Variants in OR2T2 observed in about 807,000 individuals in gnomAD.
OR2T2 encodes olfactory receptor 2T2.
For missense variants in OR2T2, 138 were observed against 409.1 expected, an observed-to-expected ratio of 0.34 and a Z score of 5.72; for synonymous variants, 50 against 162.7, an observed-to-expected ratio of 0.31 and a Z score of 5.27.
chr1:248,449,276 TTC>T (rs1260499161), intron 2 of OR2T2: 2 of 152,296 alleles, frequency 1.3e-5, no homozygotes, highest in African/African-American at 4.8e-5. Flanking sequence ...TGGCAGATAC[TTC>T]TCATAGCTCT....
intron 2 of OR2T2, among the ~76,000 whole-genome samples, chr1:248,450,347 C>CTTTTTTTTT (rs201321023): frequency 7.2e-6 from 1 of 139,122 alleles, no homozygotes; most frequent in African/African-American, 3.1e-5. Flanking sequence ...CAAGGAACCT[C>CTTTTTTTTT]TTTTTTTTTT....
At chr1:248,446,412 C>A (rs1159514943) in intron 1 of OR2T2, among the ~76,000 whole-genome samples, 177 bp from the exon 2 acceptor site, 4 of 144,698 alleles carry the variant, frequency 2.8e-5, no homozygotes, top group African/African-American at 1.1e-4. Context: ...CTGCCCCTTG[C>A]TTCAGCTCAC....
intron 2 of OR2T2, among the ~76,000 whole-genome samples, chr1:248,449,798 TAA>T (rs1326465417): frequency 4.0e-5 from 4 of 99,508 alleles, no homozygotes; most frequent in African/African-American, 1.6e-4. Context: ...ATCACGCAAA[TAA>T]AAGCTTTTTC....
intron 1 of OR2T2, among the ~76,000 whole-genome samples, chr1:248,446,244 T>TA (rs1662645575): frequency 6.9e-6 from 1 of 144,582 alleles, no homozygotes; most frequent in Non-Finnish European, 1.5e-5. Context: ...TCTTTTTTTT[T>TA]AATAAAACTA....
Position 248,446,363 on chromosome 1 carries a change from G to A in OR2T2, c.-245-226G>A, listed in dbSNP as rs764503561. 1.4e-5 allele frequency among the ~76,000 whole-genome samples: 2 copies of A among 145,066 alleles called. 1 individual carries two copies. The highest frequency in any genetic ancestry group is 3.0e-5 in the Non-Finnish European group (2 of 67,412). ...CATGTTGGAAGCTCAGGCTGTAGGG[G>A]TATAATAATGAGTGCATTGTGTTTA... is the stretch of plus-strand genomic sequence containing the variant. On this transcript the variant is annotated intron_variant, in intron 1 of 2. Transcript: ENST00000642130.
At chr1:248,447,391 TTC>T (rs1662689580) in intron 2 of OR2T2, among the ~76,000 whole-genome samples, 1 of 143,950 alleles carries the variant, frequency 6.9e-6, no homozygotes, top group African/African-American at 2.7e-5. Flanking sequence ...GCATGTAACT[TTC>T]TGACTGAAAC....
At chr1:248,446,061 ATT>A in intron 1 of OR2T2, among the ~76,000 whole-genome samples, 1 of 145,504 alleles carries the variant, frequency 6.9e-6, no homozygotes, top group South Asian at 2.1e-4. Context: ...CCCTCTGAAT[ATT>A]TTGTTAAAAT....
chr1:248,447,878 C>T (rs1246004994), intron 2 of OR2T2, among the ~76,000 whole-genome samples: 4 of 146,724 alleles, frequency 2.7e-5, no homozygotes, highest in Admixed American at 6.8e-5. Flanking sequence ...ACCTGCAATC[C>T]GCCAGGTTGC....
intron 2 of OR2T2, among the ~76,000 whole-genome samples, chr1:248,447,967 A>C (rs1662706212): frequency 2.0e-5 from 3 of 152,280 alleles, no homozygotes; most frequent in Admixed American, 2.0e-4. Context: ...TGTGGTGGAA[A>C]TATCATCCCT....
At chr1:248,445,828 CAT>C (rs1179437854) in intron 1 of OR2T2, among the ~76,000 whole-genome samples, 159 bp downstream of exon 1, 5 of 151,398 alleles carry the variant, frequency 3.3e-5, no homozygotes, top group African/African-American at 7.4e-5. Flanking sequence ...GCATAAATAA[CAT>C]ATATTCACTA....
chr1:248,450,969 ATTTT>A (rs1223433642), intron 2 of OR2T2, among the ~76,000 whole-genome samples: 2 of 79,482 alleles, frequency 2.5e-5, no homozygotes, highest in Admixed American at 1.5e-4. Flanking sequence ...ATGCTCATGT[ATTTT>A]TTTCTCCTCA....
rs779957320 is a variant in OR2T2, at chr1:248,453,609, A to C, written c.812A>C (p.Lys271Thr). 12 of 1,574,936 alleles carry C rather than the reference A, an allele frequency of 7.6e-6. No homozygotes were observed. In the African/African-American group the frequency reaches 1.4e-4, roughly 19 times the overall value. ...CCCCACTCCTACCACACTCCAGAGAAAGATAAAGTGGTGTCTGCCTTCTAC... is the reference window on the plus strand; with the variant it reads ...CCCCACTCCTACCACACTCCAGAGACAGATAAAGTGGTGTCTGCCTTCTAC... Residue 271 changes from lysine to threonine, a missense_variant, in exon 3 of 3, where the codon AAA becomes ACA. Transcript: ENST00000642130.
At chr1:248,450,308 C>T (rs1662765035) in intron 2 of OR2T2, among the ~76,000 whole-genome samples, 2 of 144,844 alleles carry the variant, frequency 1.4e-5, no homozygotes, top group South Asian at 4.3e-4. Flanking sequence ...ACACACTACA[C>T]ACACATGTAC....
At chr1:248,449,112 G>GT (rs1433644626) in intron 2 of OR2T2, 82 bp from the exon 3 acceptor site, 6 of 145,698 alleles carry the variant, frequency 4.1e-5, no homozygotes, top group Non-Finnish European at 7.5e-5. Context: ...CCAGTGCTAG[G>GT]TGAGTGTTTT....
intron 2 of OR2T2, among the ~76,000 whole-genome samples, chr1:248,448,070 T>C (rs561341676): frequency 8.5e-4 from 130 of 152,346 alleles, no homozygotes; most frequent in African/African-American, 2.9e-3. Context: ...TCAGTGCTTG[T>C]GTTCAAGTAA....
At chr1:248,446,521 G>GCCTCA (rs1278075000) in intron 1 of OR2T2, 68 bp from the exon 2 acceptor site, 1 of 124,700 alleles carries the variant, frequency 8.0e-6, no homozygotes, top group Non-Finnish European at 1.7e-5. Context: ...GGCTCGCCTC[G>GCCTCA]CCTCACCTCG....
chr1:248,453,223 C>CT lies in OR2T2; in HGVS notation c.428dup (p.Leu143PhefsTer29), dbSNP rs1662852525. 6.2e-7 allele frequency: 1 copy of CT among 1,608,482 alleles called. No homozygotes were observed. Among genetic ancestry groups the CT allele is most frequent in the Admixed American group, 1.7e-5 (1 of 59,736 alleles). The stretch of plus-strand genomic sequence containing the variant: ...CTCTCCTCATGAACCGCAGGGTTTG[C>CT]TTATTCATGGTGGTCGGCTCCTGGG... On this transcript the variant is annotated frameshift_variant, in exon 3 of 3. Coordinates refer to ENST00000642130, the Ensembl canonical transcript of OR2T2. LOFTEE classifies it low-confidence loss of function (END_TRUNC).
At chr1:248,448,137 T>C (rs1193576966) in intron 2 of OR2T2, among the ~76,000 whole-genome samples, 1 of 151,452 alleles carries the variant, frequency 6.6e-6, no homozygotes, top group Admixed American at 6.6e-5. Context: ...GCGATTTAGA[T>C]GTGCCAAAGA....
chr1:248,449,898 TAGTG>T (rs1414987899), intron 2 of OR2T2, among the ~76,000 whole-genome samples: 1 of 135,032 alleles, frequency 7.4e-6, no homozygotes, highest in Non-Finnish European at 1.5e-5. Flanking sequence ...AGAATGATGA[TAGTG>T]AGGGAAAGAT....
Sources: gnomAD v4.1 joint callset for allele counts (sites outside exome capture counted in the v4.1 genomes callset) on GRCh38, gnomAD v4.1.1 for gene constraint, MANE v1.5 for transcripts, NCBI Gene and HGNC (gene_info 2026-07-23, HGNC 2026-07-21) for gene names.